Variants in C19orf44 observed in about 807,000 individuals in gnomAD.
C19orf44 encodes the protein chromosome 19 open reading frame 44, also known as uncharacterized protein C19orf44.
C19orf44 carries 43 observed loss-of-function variants against 50.7 expected under a neutral mutation model. The observed-to-expected ratio is 0.85, with a 90% CI of 0.66 to 1.09. The LOEUF is 1.09. C19orf44 is among the 50% of genes least tolerant of loss of function. C19orf44 has a pLI of 0.00. For synonymous variants in C19orf44, 298 were observed against 334.7 expected, an observed-to-expected ratio of 0.89 and a Z score of 1.20; for missense variants, 722 against 836.2, an observed-to-expected ratio of 0.86 and a Z score of 1.68.
chr19:16,499,798 T>C (rs1253555357), intron 1 of C19orf44, among the ~76,000 whole-genome samples: 1 of 147,606 alleles, frequency 6.8e-6, no homozygotes, highest in African/African-American at 2.5e-5. Flanking sequence ...GCGGTTCTTC[T>C]TTTTTTTTTG....
intron 5 of C19orf44, 93 bp downstream of exon 5, chr19:16,510,081 G>T: frequency 6.3e-7 from 1 of 1,587,570 alleles, no homozygotes; most frequent in Non-Finnish European, 8.6e-7. Flanking sequence ...GAGAGCTCAG[G>T]TTCCTGAGAT....
chr19:16,515,536 A>T (rs7260500), intron 7 of C19orf44, among the ~76,000 whole-genome samples: 63,105 of 151,432 alleles, frequency 0.42, 14,694 homozygotes, highest in African/African-American at 0.64. Flanking sequence ...TCTTTTTTTT[A>T]AAATTTTTTT....
At chr19:16,517,461 ACAGT>A (rs2085552023) in intron 8 of C19orf44, 120 bp downstream of exon 8, 1 of 694,914 alleles carries the variant, frequency 1.4e-6, no homozygotes, top group Non-Finnish European at 2.5e-6. Context: ...ACACACACAC[ACAGT>A]CAGCATCCAG....
Position 16,520,175 on chromosome 19 carries a change from C to G in C19orf44, c.*122C>G, listed in dbSNP as rs1207457695. The G allele has an allele frequency of 6.2e-7, 1 of 1,612,806 alleles. No individual in the cohort carries two copies. The highest frequency in any genetic ancestry group is 1.7e-5 in the Admixed American group (1 of 60,006). On this transcript the variant is annotated 3_prime_UTR_variant, in exon 9 of 9. Coordinates refer to ENST00000221671, the MANE Select transcript of C19orf44 (RefSeq NM_032207.4). The surrounding 1 kb of genome is among the most constrained non-coding windows in gnomAD (Gnocchi z 4.0). The stretch of plus-strand genomic sequence containing the variant: ...GCGGGGTGGGGCTCCTGGACCGTGA[C>G]CGGCGTCTTCTTCCTGGGGAGTACG...
Position 16,496,409 on chromosome 19 carries a change from C to A in C19orf44, c.-58C>A. 1 of 484,854 alleles carries A rather than the reference C, an allele frequency of 2.1e-6. No individual in the cohort carries two copies. The highest frequency in any genetic ancestry group is 3.8e-6 in the Non-Finnish European group (1 of 265,512). The allele number at this position is 484,854 out of a possible 1,614,324, so 30.0% of individuals were successfully genotyped here. ...CTCTGGCTCTGTTGCCCAGGGCAACCGCTCCTTCAGGCGTGAATGTGGCGG... is the reference window on the plus strand; with the variant it reads ...CTCTGGCTCTGTTGCCCAGGGCAACAGCTCCTTCAGGCGTGAATGTGGCGG... On this transcript the variant is annotated 5_prime_UTR_variant, in exon 1 of 9. Coordinates refer to ENST00000221671, the MANE Select transcript of C19orf44 (RefSeq NM_032207.4).
In C19orf44 at chr19:16,519,170, C is replaced by G; in HGVS notation, c.*41-924C>G. ...CCCGGCATGGGCGCCTACTTACACT[C>G]GTCCCTGGCCTTCATGCGGGCGATG... On this transcript the variant is annotated intron_variant, in intron 8 of 8. Coordinates refer to ENST00000221671, the MANE Select transcript of C19orf44 (RefSeq NM_032207.4). This position sits in a 1 kb window ranked among gnomAD's most constrained non-coding sequence, Gnocchi z 6.0. 2 of 1,613,284 alleles carry G rather than the reference C, an allele frequency of 1.2e-6. No individual in the cohort carries two copies. The highest frequency in any genetic ancestry group is 1.7e-6 in the Non-Finnish European group (2 of 1,179,824).
In C19orf44 at chr19:16,513,091, A is replaced by C. The variant is rs754440204; in HGVS notation, c.1717A>C (p.Ser573Arg). ...DPTPIANHVISADAIEALTAY... is the reference protein window; with the variant it reads ...DPTPIANHVIRADAIEALTAY... ...GACACCCATCGCCAATCATGTTATCAGTGCAGATGCAATAGAAGGTAACAG... is the reference window on the plus strand; with the variant it reads ...GACACCCATCGCCAATCATGTTATCCGTGCAGATGCAATAGAAGGTAACAG... Residue 573 changes from serine to arginine, a missense_variant, in exon 6 of 9, where the codon AGT (serine) becomes CGT (arginine). Physicochemically the swap from Ser to Arg is moderately radical, Grantham distance 110 (BLOSUM62 -1). Coordinates refer to ENST00000221671, the MANE Select transcript of C19orf44 (RefSeq NM_032207.4). 9 of 1,613,826 alleles carry C rather than the reference A, an allele frequency of 5.6e-6. No individual in the cohort carries two copies. In the South Asian group the frequency reaches 9.9e-5, roughly 18 times the overall value.
chr19:16,514,415 C>T (rs2093465871), intron 6 of C19orf44, 82 bp from the exon 7 acceptor site: 1 of 1,391,216 alleles, frequency 7.2e-7, no homozygotes, highest in African/African-American at 1.5e-5. Flanking sequence ...CAGAGAGCAG[C>T]CTGGCACCTG....
chr19:16,503,617 G>A (rs1293858974), intron 3 of C19orf44, among the ~76,000 whole-genome samples: 1 of 152,154 alleles, frequency 6.6e-6, no homozygotes, highest in Non-Finnish European at 1.5e-5. Flanking sequence ...AGGCTGGAGT[G>A]TAGTGGGCAT....
chr19:16,519,351 G>A lies in C19orf44; in HGVS notation c.*41-743G>A. 1.2e-6 allele frequency: 2 copies of A among 1,609,962 alleles called. No individual in the cohort carries two copies. The highest frequency in any genetic ancestry group is 2.2e-5 in the East Asian group (1 of 44,870). ...CACCGAGGCCGCCTGAGCCGCTCCA[G>A]CCTGGAAACAGAGACGCAGTCACAA... is the stretch of plus-strand genomic sequence containing the variant. On this transcript the variant is annotated intron_variant, in intron 8 of 8. Coordinates refer to ENST00000221671, the MANE Select transcript of C19orf44 (RefSeq NM_032207.4). The surrounding 1 kb of genome is among the most constrained non-coding windows in gnomAD (Gnocchi z 6.0).
intron 1 of C19orf44, 42 bp from the exon 2 acceptor site, chr19:16,500,750 C>G (rs370638399): frequency 6.6e-7 from 1 of 1,519,440 alleles, no homozygotes; most frequent in Non-Finnish European, 8.8e-7. Flanking sequence ...TCAATACAAA[C>G]AGCAGGTACT....
chr19:16,506,227 G>A (rs1012151975), intron 3 of C19orf44, among the ~76,000 whole-genome samples: 15 of 151,942 alleles, frequency 9.9e-5, no homozygotes, highest in Non-Finnish European at 1.8e-4. Flanking sequence ...TGCCCGCCTC[G>A]GCCTCCCAAA....
In C19orf44 at chr19:16,521,126, C is replaced by T; in HGVS notation, c.*1073C>T. On this transcript the variant is annotated 3_prime_UTR_variant, in exon 9 of 9. Coordinates refer to ENST00000221671, the MANE Select transcript of C19orf44 (RefSeq NM_032207.4). Reference sequence around the variant, plus strand: ...TCCTCTGGTGCCCACGCCCTTGCCACCCTGCTGTTCCGCTGAGGTGGTGGG... The same window carrying T: ...TCCTCTGGTGCCCACGCCCTTGCCATCCTGCTGTTCCGCTGAGGTGGTGGG... 1 of 603,520 alleles carries T rather than the reference C, an allele frequency of 1.7e-6. No individual in the cohort carries two copies. The highest frequency in any genetic ancestry group is 2.8e-5 in the Admixed American group (1 of 35,878). 37.4% of individuals were successfully genotyped at this position (603,520 alleles called of 1,614,324 possible).
At position 16,509,570 on chromosome 19, in the gene C19orf44, C is replaced by T; in HGVS notation, c.1221C>T (p.Ala407=). 6.2e-6 allele frequency: 10 copies of T among 1,612,242 alleles called. No homozygotes were observed. Among genetic ancestry groups the T allele is most frequent in the Non-Finnish European group, 8.5e-6 (10 of 1,178,858 alleles). The change falls in exon 5 of 9, where the codon GCC becomes GCT. Residue 407 remains alanine, a synonymous_variant. Coordinates refer to ENST00000221671, the MANE Select transcript of C19orf44 (RefSeq NM_032207.4). ...CCGAGGCGTCCACTGGGCAGGATGC[C>T]CCGAGGCAGGCCCAGGCGAGGAGCT... ...FRAEASTGQD[A]PRQAQARSWA...
intron 7 of C19orf44, 63 bp downstream of exon 7, chr19:16,514,726 G>C (rs1253678329): frequency 2.1e-6 from 3 of 1,446,078 alleles, no homozygotes; most frequent in African/African-American, 2.9e-5. Context: ...CCAGAGGCCG[G>C]GCCGAAGGGA....
chr19:16,507,811 A>ATTATTG (rs2093444765), intron 4 of C19orf44, among the ~76,000 whole-genome samples: 1 of 147,838 alleles, frequency 6.8e-6, no homozygotes, highest in African/African-American at 2.5e-5. Context: ...TATTATTATT[A>ATTATTG]TTATTATTTT....
chr19:16,501,238 A>G lies in C19orf44; in HGVS notation c.446A>G (p.Lys149Arg), dbSNP rs1318756081. The G allele has an allele frequency of 1.2e-6, 2 of 1,614,180 alleles. No individual in the cohort carries two copies. The highest frequency in any genetic ancestry group is 1.7e-6 in the Non-Finnish European group (2 of 1,180,038). The change falls in exon 2 of 9, where the codon AAA (lysine) becomes AGA (arginine). Residue 149 changes from lysine to arginine, a missense_variant. Physicochemically the swap from Lys to Arg is conservative, Grantham distance 26 (BLOSUM62 2). Coordinates refer to ENST00000221671, the MANE Select transcript of C19orf44 (RefSeq NM_032207.4). The stretch of plus-strand genomic sequence containing the variant: ...GAACTCGCGTCCCAGAACACAGACA[A>G]AACTTCCCAGAATCAAGCCCGTGAA... ...ALELASQNTD[K>R]TSQNQARELP...
chr19:16,519,312 C>T lies in C19orf44; in HGVS notation c.*41-782C>T, dbSNP rs1376728155. The T allele has an allele frequency of 1.2e-6, 2 of 1,613,728 alleles. No homozygotes were observed. On this transcript the variant is annotated intron_variant, in intron 8 of 8. Coordinates refer to ENST00000221671, the MANE Select transcript of C19orf44 (RefSeq NM_032207.4). The surrounding 1 kb of genome is among the most constrained non-coding windows in gnomAD (Gnocchi z 6.0). ...CCCCGCCCTTGATGGGGTCCTGGAT[C>T]CCTTGCTCCTTCGCACCGAGGCCGC... is the stretch of plus-strand genomic sequence containing the variant.
chr19:16,514,692 A>G (rs534724529), intron 7 of C19orf44, 29 bp downstream of exon 7: 11 of 1,511,650 alleles, frequency 7.3e-6, no homozygotes, highest in African/African-American at 5.6e-5. Flanking sequence ...GGGCAGGGGC[A>G]GGGCAGTAGG....
Sources: gnomAD v4.1 joint callset for allele counts (sites outside exome capture counted in the v4.1 genomes callset) on GRCh38, gnomAD v4.1.1 for gene constraint, Gnocchi (gnomAD v3.1) non-coding constraint, MANE v1.5 for transcripts, NCBI Gene and HGNC (gene_info 2026-07-23, HGNC 2026-07-21) for gene names.